Variants in RUNX1 observed in about 807,000 individuals in gnomAD.
RUNX1 encodes the protein RUNX family transcription factor 1.
In RUNX1, 19 loss-of-function variants were observed where a neutral mutation model predicts 42.8. That is an observed-to-expected ratio of 0.44 (90% CI 0.31 to 0.65). The LOEUF is 0.65. Among genes scored for constraint, RUNX1 ranks in the 30% least tolerant of loss-of-function variants. The probability of loss-of-function intolerance (pLI) is 0.07; values close to 1 mark genes in which losing one functional copy is unlikely to be tolerated. For missense variants in RUNX1, 528 were observed against 672.0 expected (o/e 0.79, Z 2.37); for synonymous variants, 271 against 289.4 (o/e 0.94, Z 0.64).
intron 4 of RUNX1, among the ~76,000 whole-genome samples, chr21:34,881,279 A>G (rs1404271944): frequency 6.6e-6 from 1 of 152,200 alleles, no homozygotes; most frequent in Non-Finnish European, 1.5e-5. Context: ...AAATAAAACA[A>G]AACAAAAAAA....
intron 2 of RUNX1, among the ~76,000 whole-genome samples, chr21:34,942,709 G>T (rs761338225): frequency 2.6e-5 from 4 of 152,206 alleles, no homozygotes; most frequent in Non-Finnish European, 4.4e-5. Context: ...TTCCATGGTT[G>T]AGATGACACC....
chr21:34,848,523 C>T (rs964857804), intron 6 of RUNX1, among the ~76,000 whole-genome samples: 7 of 152,222 alleles, frequency 4.6e-5, no homozygotes, highest in African/African-American at 1.7e-4. Flanking sequence ...CAACCTCTGC[C>T]TCTCGAGTTC....
At position 34,826,664 on chromosome 21, in the gene RUNX1, C is replaced by T. The variant is rs374276066; in HGVS notation, c.805+7746G>A. ...TTCACCATGTTGGCCAGCCTGCTCT[C>T]GAACTCCCGACCTCAAGTGATCTGC... On this transcript the variant is annotated intron_variant, in intron 7 of 8. Transcript: ENST00000675419. 1.9e-4 allele frequency among the ~76,000 whole-genome samples: 29 copies of T among 151,834 alleles called. No homozygotes were observed. The South Asian group carries it at 3.9e-3, about 21-fold the overall frequency.
chr21:34,974,571 G>T (rs1226796060), intron 2 of RUNX1, among the ~76,000 whole-genome samples: 1 of 152,152 alleles, frequency 6.6e-6, no homozygotes, highest in African/African-American at 2.4e-5. Flanking sequence ...TGAGGGTTCA[G>T]ATGAGGGGCA....
intron 7 of RUNX1, among the ~76,000 whole-genome samples, chr21:34,807,899 ACT>A (rs1372478465): frequency 1.3e-5 from 2 of 152,044 alleles, no homozygotes; most frequent in Non-Finnish European, 2.9e-5. Flanking sequence ...GGGGTGGGTG[ACT>A]CTGCTCTGAA....
intron 2 of RUNX1, among the ~76,000 whole-genome samples, chr21:34,941,821 A>C (rs1268132090): frequency 7.1e-6 from 1 of 141,074 alleles, no homozygotes; most frequent in African/African-American, 2.6e-5. Context: ...TTTTTCTTTT[A>C]TTTTTTTCCT....
chr21:34,812,098 C>T (rs971909788), intron 7 of RUNX1, among the ~76,000 whole-genome samples: 1 of 152,108 alleles, frequency 6.6e-6, no homozygotes, highest in Admixed American at 6.6e-5. Context: ...AATGTTCCCT[C>T]ATTTGGTGAC....
chr21:34,886,972 G>A lies in RUNX1; in HGVS notation c.222C>T (p.Gly74=), dbSNP rs1269069934. ...CCAGCACCTCCACCATGCTGCGGTC[G>A]CCGCTCCTCAGCTTGCCGGCCAGGG... ...GAALAGKLRS[G]DRSMVEVLAD... Residue 74 remains glycine, a synonymous_variant, in exon 4 of 9, where the codon GGC becomes GGT. Transcript: ENST00000675419. The A allele has an allele frequency of 4.3e-6, 7 of 1,610,352 alleles. No individual in the cohort carries two copies. Among genetic ancestry groups the A allele is most frequent in the Admixed American group, 1.7e-5 (1 of 59,882 alleles).
Position 34,787,843 on chromosome 21 carries a change from C to T in RUNX1, c.*4292G>A. On this transcript the variant is annotated 3_prime_UTR_variant, in exon 9 of 9. Transcript: ENST00000675419. Reference sequence around the variant, plus strand: ...TCAAACTGTTTATTTGCCATTCACACTGATTGTAACACTGGATTTACAGAA... The same window carrying T: ...TCAAACTGTTTATTTGCCATTCACATTGATTGTAACACTGGATTTACAGAA... 1 of 233,022 alleles carries T rather than the reference C, an allele frequency of 4.3e-6. No individual in the cohort carries two copies. The allele number at this position is 233,022 out of a possible 1,614,324, so 14.4% of individuals were successfully genotyped here. A position where few individuals can be genotyped will look rare whatever the true frequency, so the allele number is the denominator to read the frequency against.
intron 2 of RUNX1, among the ~76,000 whole-genome samples, chr21:34,915,324 C>A (rs2058304581): frequency 6.6e-6 from 1 of 152,150 alleles, no homozygotes. Flanking sequence ...CAAGGGAGTG[C>A]ACCCTTTATG....
At chr21:34,967,318 T>TTAAAA (rs2058726967) in intron 2 of RUNX1, among the ~76,000 whole-genome samples, 1 of 17,190 alleles carries the variant, frequency 5.8e-5, no homozygotes, top group Non-Finnish European at 9.7e-5. Context: ...AGACTCGGTC[T>TTAAAA]CAAAAAAAAA....
intron 5 of RUNX1, among the ~76,000 whole-genome samples, chr21:34,867,538 A>C (rs1454400437): frequency 6.6e-6 from 1 of 152,176 alleles, no homozygotes; most frequent in Non-Finnish European, 1.5e-5. Flanking sequence ...TTTCCAAGGC[A>C]CAGGTATGCT....
At chr21:34,910,251 G>A (rs2058261483) in intron 2 of RUNX1, among the ~76,000 whole-genome samples, 1 of 152,098 alleles carries the variant, frequency 6.6e-6, no homozygotes, top group Non-Finnish European at 1.5e-5. Context: ...GCCAGCAAAG[G>A]GCTCCAACTT....
chr21:34,844,376 C>A (rs1290032225), intron 6 of RUNX1, among the ~76,000 whole-genome samples: 1 of 152,198 alleles, frequency 6.6e-6, no homozygotes, highest in Non-Finnish European at 1.5e-5. Flanking sequence ...AGGAGGCGCA[C>A]ACACACTGCT....
At chr21:34,981,888 T>A (rs949930366) in intron 2 of RUNX1, among the ~76,000 whole-genome samples, 1 of 152,188 alleles carries the variant, frequency 6.6e-6, no homozygotes. Flanking sequence ...TTGCCATCAG[T>A]GCAGCAAGGA....
intron 2 of RUNX1, among the ~76,000 whole-genome samples, chr21:35,002,333 T>A (rs1319109373): frequency 5.9e-5 from 9 of 151,846 alleles, no homozygotes; most frequent in Admixed American, 5.9e-4. Context: ...GCCCCTTATT[T>A]GTCTTATGCT....
chr21:34,842,320 C>T (rs189223967), intron 6 of RUNX1, among the ~76,000 whole-genome samples: 126 of 151,770 alleles, frequency 8.3e-4, no homozygotes, highest in African/African-American at 2.8e-3. Context: ...TTGTGAAACC[C>T]CATCTCCACT....
At chr21:35,045,409 C>T (rs1395584797) in intron 2 of RUNX1, among the ~76,000 whole-genome samples, 1 of 152,124 alleles carries the variant, frequency 6.6e-6, no homozygotes, top group East Asian at 1.9e-4. Flanking sequence ...ACATTGAAGT[C>T]CTAACCCCAA....
At chr21:34,811,891 G>A (rs1193150307) in intron 7 of RUNX1, among the ~76,000 whole-genome samples, 6 of 151,858 alleles carry the variant, frequency 4.0e-5, no homozygotes, top group Non-Finnish European at 7.4e-5. Context: ...ATTTCTGGAG[G>A]AGTAGTGTTT....
Sources: gnomAD v4.1 joint callset for allele counts (sites outside exome capture counted in the v4.1 genomes callset) on GRCh38, gnomAD v4.1.1 for gene constraint, MANE v1.5 for transcripts, NCBI Gene and HGNC (gene_info 2026-07-23, HGNC 2026-07-21) for gene names.